PRKN: variants seen among roughly 807,000 people sequenced by gnomAD.
PRKN encodes the protein parkin RBR E3 ubiquitin protein ligase, also known as E3 ubiquitin-protein ligase parkin.
PRKN carries 56 observed loss-of-function variants against 59.5 expected under a neutral mutation model. The observed-to-expected ratio is 0.94, with a 90% CI of 0.76 to 1.18. The LOEUF (loss-of-function observed/expected upper bound fraction) is 1.18, where lower values mean the gene tolerates loss of function less well. PRKN is among the 50% of genes most tolerant of loss of function. The pLI, the probability that PRKN is intolerant of heterozygous loss-of-function variation, is 0.00. For synonymous variants in PRKN, 250 were observed against 222.1 expected (o/e 1.13, Z -1.12); for missense variants, 657 against 596.4 (o/e 1.10, Z -1.06).
At chr6:162,619,144 CT>C (rs144005690) in intron 1 of PRKN, among the ~76,000 whole-genome samples, 23,397 of 131,654 alleles carry the variant, frequency 0.18, 1,762 homozygotes, top group East Asian at 0.42. Flanking sequence ...AGTATTTTTC[CT>C]TTTTTTTTTT....
intron 9 of PRKN, among the ~76,000 whole-genome samples, chr6:161,486,908 G>A (rs970311880): frequency 5.3e-5 from 8 of 152,092 alleles, no homozygotes; most frequent in Non-Finnish European, 1.2e-4. Flanking sequence ...GTGCTAGCAG[G>A]ACCTGATTTT....
At chr6:161,713,675 C>T (rs1470528972) in intron 7 of PRKN, among the ~76,000 whole-genome samples, 2 of 152,194 alleles carry the variant, frequency 1.3e-5, no homozygotes, top group Non-Finnish European at 2.9e-5. Context: ...GTCCATCACT[C>T]TGGCTCATAC....
At chr6:161,687,509 TGCAGTG>T (rs1177037336) in intron 7 of PRKN, among the ~76,000 whole-genome samples, 1 of 147,738 alleles carries the variant, frequency 6.8e-6, no homozygotes, top group East Asian at 2.0e-4. Flanking sequence ...CAGGCTGGAG[TGCAGTG>T]GCACCATCTC....
At chr6:162,247,908 T>C (rs1024545113) in intron 3 of PRKN, among the ~76,000 whole-genome samples, 2 of 152,192 alleles carry the variant, frequency 1.3e-5, no homozygotes, top group African/African-American at 2.4e-5. Context: ...GATTTTATTA[T>C]AGCCAAACGA....
chr6:162,177,394 C>T (rs1012640780), intron 4 of PRKN, among the ~76,000 whole-genome samples: 7 of 152,128 alleles, frequency 4.6e-5, no homozygotes, highest in African/African-American at 1.7e-4. Flanking sequence ...ATGCTTGTAT[C>T]AGCGGTTTCT....
Position 162,362,089 on chromosome 6 carries a change from T to C in PRKN, c.171+81221A>G, listed in dbSNP as rs536438226. The stretch of plus-strand genomic sequence containing the variant: ...AAAAGATCCCAAACATTTTGCCAAA[T>C]ATGCAGTGTTCCAAAGGGAAGTATC... On this transcript the variant is annotated intron_variant, in intron 2 of 11. Coordinates refer to ENST00000366898, the MANE Select transcript of PRKN (RefSeq NM_004562.3). Among the ~76,000 whole-genome samples, 7 of 152,310 alleles carry C rather than the reference T, an allele frequency of 4.6e-5. No individual in the cohort carries two copies. The South Asian group carries it at 1.4e-3, about 32-fold the overall frequency.
At chr6:161,435,951 G>A (rs1788865132) in intron 9 of PRKN, among the ~76,000 whole-genome samples, 1 of 5,476 alleles carries the variant, frequency 1.8e-4, no homozygotes, top group African/African-American at 8.0e-4. Context: ...AGGGGGGTGG[G>A]ATGGGAGGGC....
chr6:162,338,400 C>T (rs914661063), intron 2 of PRKN, among the ~76,000 whole-genome samples: 1 of 151,910 alleles, frequency 6.6e-6, no homozygotes, highest in Non-Finnish European at 1.5e-5. Context: ...GTGCCTGCTA[C>T]TGCAGGCACG....
At chr6:161,995,646 A>G (rs1781813565) in intron 5 of PRKN, among the ~76,000 whole-genome samples, 1 of 152,194 alleles carries the variant, frequency 6.6e-6, no homozygotes, top group Non-Finnish European at 1.5e-5. Flanking sequence ...GCCAACAGGT[A>G]TATGAAAAAA....
chr6:162,574,547 C>A (rs1780480607), intron 1 of PRKN, among the ~76,000 whole-genome samples: 1 of 152,130 alleles, frequency 6.6e-6, no homozygotes, highest in Admixed American at 6.5e-5. Context: ...TCACTAGAAG[C>A]AATACTGCTA....
chr6:161,939,471 C>T (rs1358299553), intron 6 of PRKN, among the ~76,000 whole-genome samples: 1 of 143,564 alleles, frequency 7.0e-6, no homozygotes, highest in African/African-American at 2.6e-5. Flanking sequence ...GTGGCTCACA[C>T]TTGTAATCCC....
At chr6:162,281,811 A>T (rs1201125508) in intron 2 of PRKN, among the ~76,000 whole-genome samples, 6 of 152,206 alleles carry the variant, frequency 3.9e-5, no homozygotes, top group African/African-American at 1.4e-4. Flanking sequence ...AGTCTACAGC[A>T]GCAGTCCTGA....
At chr6:162,661,570 T>C (rs1170423159) in intron 1 of PRKN, among the ~76,000 whole-genome samples, 1 of 152,168 alleles carries the variant, frequency 6.6e-6, no homozygotes, top group African/African-American at 2.4e-5. Context: ...CAGAGGTTTC[T>C]TTACTAGAAG....
chr6:161,469,575 G>GAGAGAGAGAAAGAGAA (rs2115188625), intron 9 of PRKN, among the ~76,000 whole-genome samples: 1 of 151,546 alleles, frequency 6.6e-6, no homozygotes, highest in African/African-American at 2.4e-5. Flanking sequence ...GAGAGAGAAA[G>GAGAGAGAGAAAGAGAA]AGAGAGAGAA....
Position 161,752,523 on chromosome 6 carries a change from G to A in PRKN, c.871+33249C>T, listed in dbSNP as rs114501575. On this transcript the variant is annotated intron_variant, in intron 7 of 11. Coordinates refer to ENST00000366898, the MANE Select transcript of PRKN (RefSeq NM_004562.3). ...AGCTGAGGCAATATGGGGAAACCCC[G>A]TCTGCATAAAAATATAACAATTAGC... is the stretch of plus-strand genomic sequence containing the variant. Among the ~76,000 whole-genome samples, 556 of 151,974 alleles carry A rather than the reference G, an allele frequency of 3.7e-3. 4 individuals carry two copies. The highest frequency in any genetic ancestry group is 0.012 in the African/African-American group (486 of 41,420).
chr6:161,386,936 A>G lies in PRKN; in HGVS notation c.1084-59T>C. On this transcript the variant is annotated intron_variant, in intron 9 of 11. Transcript: ENST00000366898. The surrounding 1 kb of genome is among the most constrained non-coding windows in gnomAD (Gnocchi z 4.3). ...ATTAGGTTGCATTTGGCAATAACAC[A>G]TTTTTCCTTTTCCAAATTCATTATA... 1 of 1,373,976 alleles carries G rather than the reference A, an allele frequency of 7.3e-7. No homozygotes were observed. Among genetic ancestry groups the G allele is most frequent in the East Asian group, 2.3e-5 (1 of 43,794 alleles). 85.1% of individuals were successfully genotyped at this position (1,373,976 alleles called of 1,614,324 possible). A position where few individuals can be genotyped will look rare whatever the true frequency, so the allele number is the denominator to read the frequency against.
At chr6:162,308,767 T>C (rs1344403441) in intron 2 of PRKN, among the ~76,000 whole-genome samples, 1 of 152,118 alleles carries the variant, frequency 6.6e-6, no homozygotes, top group East Asian at 1.9e-4. Context: ...AAGTGAATCT[T>C]CTAGTGGTCC....
chr6:162,186,100 A>T (rs1477259455), intron 4 of PRKN, among the ~76,000 whole-genome samples: 1 of 152,094 alleles, frequency 6.6e-6, no homozygotes, highest in African/African-American at 2.4e-5. Context: ...ACCTTACCCA[A>T]TTCACATGGT....
In PRKN at chr6:161,466,636, T is replaced by C. The variant is rs139784407; in HGVS notation, c.1084-79759A>G. On this transcript the variant is annotated intron_variant, in intron 9 of 11. Transcript: ENST00000366898. This position sits in a 1 kb window ranked among gnomAD's most constrained non-coding sequence, Gnocchi z 5.0. Reference sequence around the variant, plus strand: ...ATTTGCCATCCTCTCTGGTAAGGACTGCACTCAAAGTAACAGGAGGGCCTA... The same window carrying C: ...ATTTGCCATCCTCTCTGGTAAGGACCGCACTCAAAGTAACAGGAGGGCCTA... Among the ~76,000 whole-genome samples, 194 of 152,318 alleles carry C rather than the reference T, an allele frequency of 1.3e-3. No homozygotes were observed. The highest frequency in any genetic ancestry group is 6.8e-3 in the Middle Eastern group (2 of 294).
Sources: gnomAD v4.1 joint callset for allele counts (sites outside exome capture counted in the v4.1 genomes callset) on GRCh38, gnomAD v4.1.1 for gene constraint, Gnocchi (gnomAD v3.1) non-coding constraint, MANE v1.5 for transcripts, NCBI Gene and HGNC (gene_info 2026-07-23, HGNC 2026-07-21) for gene names.